OPCML: variants seen among roughly 807,000 people sequenced by gnomAD.
OPCML encodes the protein opioid-binding protein/cell adhesion molecule.
In OPCML, 13 loss-of-function variants were observed where a neutral mutation model predicts 37.8. The ratio of observed to expected loss-of-function variants is 0.34; its 90% CI spans 0.22 to 0.55. The LOEUF (loss-of-function observed/expected upper bound fraction) is 0.55. OPCML is among the 20% of genes least tolerant of loss of function. OPCML has a pLI of 0.91. For missense variants in OPCML, 341 were observed against 435.6 expected (o/e 0.78, Z 1.93); for synonymous variants, 176 against 168.8 (o/e 1.04, Z -0.33).
intron 4 of OPCML, among the ~76,000 whole-genome samples, chr11:132,455,286 G>T (rs1483124837): frequency 6.6e-6 from 1 of 152,164 alleles, no homozygotes; most frequent in Admixed American, 6.5e-5. Context: ...CCAACTGGCT[G>T]CTTAGCCTGA....
intron 1 of OPCML, among the ~76,000 whole-genome samples, chr11:133,473,726 C>T (rs1000930527): frequency 6.6e-6 from 1 of 152,182 alleles, no homozygotes; most frequent in Admixed American, 6.6e-5. Context: ...ATTGGCTAGG[C>T]CTGGATCACT....
chr11:132,632,241 ATTTT>A (rs67176157), intron 3 of OPCML, among the ~76,000 whole-genome samples: 19,550 of 111,544 alleles, frequency 0.18, 1,543 homozygotes, highest in Middle Eastern at 0.23. Flanking sequence ...ATTCAAACAC[ATTTT>A]TTTTTTTTTT....
At chr11:133,274,116 C>G (rs1416755448) in intron 1 of OPCML, among the ~76,000 whole-genome samples, 1 of 152,124 alleles carries the variant, frequency 6.6e-6, no homozygotes, top group Non-Finnish European at 1.5e-5. Context: ...CTGTCATCCC[C>G]ACAGCCAAAG....
intron 1 of OPCML, among the ~76,000 whole-genome samples, chr11:133,246,236 A>G (rs1366687269): frequency 1.3e-5 from 2 of 152,244 alleles, no homozygotes; most frequent in East Asian, 3.8e-4. Flanking sequence ...CTCTTACTAT[A>G]TAATGGATGC....
chr11:133,321,628 G>C (rs980017951), intron 1 of OPCML, among the ~76,000 whole-genome samples: 2 of 152,152 alleles, frequency 1.3e-5, no homozygotes, highest in Admixed American at 1.3e-4. Flanking sequence ...TATGTCAAAA[G>C]CATAAAATCA....
chr11:133,313,493 A>T (rs1943114846), intron 1 of OPCML, among the ~76,000 whole-genome samples: 1 of 152,212 alleles, frequency 6.6e-6, no homozygotes, highest in African/African-American at 2.4e-5. Flanking sequence ...TAAATGAAAG[A>T]CCTTGTGATG....
chr11:132,935,890 G>A (rs999865462), intron 2 of OPCML, among the ~76,000 whole-genome samples: 6 of 152,230 alleles, frequency 3.9e-5, no homozygotes, highest in East Asian at 1.9e-4. Context: ...ACCGGCTCAC[G>A]TTGTCTTAGG....
chr11:133,028,560 TGAGAGAGA>T (rs148115731), intron 1 of OPCML, among the ~76,000 whole-genome samples: 7 of 146,648 alleles, frequency 4.8e-5, no homozygotes, highest in African/African-American at 1.0e-4. Context: ...TGTGTACATG[TGAGAGAGA>T]GAGAGAGAGA....
At chr11:133,448,237 T>C (rs1040123260) in intron 1 of OPCML, among the ~76,000 whole-genome samples, 9 of 152,232 alleles carry the variant, frequency 5.9e-5, no homozygotes, top group Non-Finnish European at 5.9e-5. Context: ...TGGTCAAAAT[T>C]AATCATTTTG....
At chr11:133,291,344 G>A (rs1942466418) in intron 1 of OPCML, among the ~76,000 whole-genome samples, 1 of 152,140 alleles carries the variant, frequency 6.6e-6, no homozygotes, top group Non-Finnish European at 1.5e-5. Context: ...AGAGCTGTTG[G>A]CATAGGTGCT....
chr11:133,312,150 C>T (rs1202759372), intron 1 of OPCML, among the ~76,000 whole-genome samples: 1 of 152,132 alleles, frequency 6.6e-6, no homozygotes. Context: ...AATACTTTTC[C>T]TCTGTAGAGA....
At chr11:133,120,481 T>A (rs1034413923) in intron 1 of OPCML, among the ~76,000 whole-genome samples, 14 of 152,190 alleles carry the variant, frequency 9.2e-5, no homozygotes, top group Non-Finnish European at 1.8e-4. Context: ...GCTTCAAGCA[T>A]TTTTTATGAA....
At chr11:133,036,835 G>T (rs1273988483) in intron 1 of OPCML, among the ~76,000 whole-genome samples, 1 of 152,170 alleles carries the variant, frequency 6.6e-6, no homozygotes, top group Non-Finnish European at 1.5e-5. Context: ...TGGTTTATTG[G>T]CATGAGGACA....
chr11:132,586,059 T>G (rs1025488131), intron 3 of OPCML, among the ~76,000 whole-genome samples: 1 of 152,074 alleles, frequency 6.6e-6, no homozygotes, highest in African/African-American at 2.4e-5. Flanking sequence ...CCATGCCTTG[T>G]GTAGGGTGGG....
chr11:133,461,060 C>T (rs1467417226), intron 1 of OPCML, among the ~76,000 whole-genome samples: 3 of 151,754 alleles, frequency 2.0e-5, no homozygotes, highest in Non-Finnish European at 4.4e-5. Context: ...AAACACTCAA[C>T]AAACTAGAAA....
At chr11:132,717,655 C>T (rs1565803285) in intron 2 of OPCML, among the ~76,000 whole-genome samples, 2 of 152,016 alleles carry the variant, frequency 1.3e-5, no homozygotes, top group African/African-American at 4.8e-5. Context: ...AGTTAAATTT[C>T]CCTTATCCGA....
Position 133,354,991 on chromosome 11 carries a change from A to G in OPCML, c.61+177273T>C, listed in dbSNP as rs1944250410. Among the ~76,000 whole-genome samples the G allele has an allele frequency of 1.3e-5, 2 of 152,236 alleles. 1 individual carries two copies. The highest frequency in any genetic ancestry group is 1.3e-4 in the Admixed American group (2 of 15,288). On this transcript the variant is annotated intron_variant, in intron 1 of 7. Coordinates refer to ENST00000524381, the MANE Select transcript of OPCML (RefSeq NM_001012393.5). ...GGTTAGAGAGGACAAGGATGGAATA[A>G]AAAGAAAATGACTAGCTACTAGGTG...
At chr11:132,599,314 A>G (rs1266327498) in intron 3 of OPCML, among the ~76,000 whole-genome samples, 5 of 149,120 alleles carry the variant, frequency 3.4e-5, no homozygotes, top group Non-Finnish European at 7.4e-5. Flanking sequence ...AAAGAAGAAG[A>G]AGGAGGAGGA....
intron 1 of OPCML, among the ~76,000 whole-genome samples, chr11:133,083,005 G>T (rs1948759985): frequency 6.6e-6 from 1 of 151,270 alleles, no homozygotes; most frequent in Admixed American, 6.6e-5. Context: ...CGTCAGCGCC[G>T]GAGCCCGCGG....
Sources: gnomAD v4.1 joint callset for allele counts (sites outside exome capture counted in the v4.1 genomes callset) on GRCh38, gnomAD v4.1.1 for gene constraint, MANE v1.5 for transcripts, NCBI Gene and HGNC (gene_info 2026-07-23, HGNC 2026-07-21) for gene names.